Variants in AKR1C8 observed in about 807,000 individuals in gnomAD.
The protein encoded by AKR1C8 is aldo-keto reductase family 1 member C8.
At chr10:5,160,001 A>G in the AKR1C8 span, 1 of 371,120 alleles carries the variant, frequency 2.7e-6, no homozygotes, top group East Asian at 8.2e-5. Context: ...GCACTTCTCC[A>G]GGGCCTGGGG....
the AKR1C8 span, among the ~76,000 whole-genome samples, chr10:5,116,774 C>T: frequency 1.3e-5 from 2 of 152,176 alleles, no homozygotes; most frequent in African/African-American, 4.8e-5. Context: ...ATCAAAGGGG[C>T]TGTAGTGCTG....
the AKR1C8 span, among the ~76,000 whole-genome samples, chr10:5,165,161 C>G: frequency 3.3e-5 from 5 of 152,152 alleles, no homozygotes; most frequent in Non-Finnish European, 5.9e-5. Context: ...TATTTCACCA[C>G]GAGTGAATAC....
At chr10:5,184,353 CA>C in the AKR1C8 span, among the ~76,000 whole-genome samples, 1 of 152,108 alleles carries the variant, frequency 6.6e-6, no homozygotes, top group African/African-American at 2.4e-5. Flanking sequence ...AGTCATAAGA[CA>C]AAAAACTTCA....
chr10:5,148,967 G>T, the AKR1C8 span, among the ~76,000 whole-genome samples: 1 of 151,982 alleles, frequency 6.6e-6, no homozygotes, highest in Non-Finnish European at 1.5e-5. Flanking sequence ...AAGATGCCAA[G>T]GTCAGATTAC....
the AKR1C8 span, among the ~76,000 whole-genome samples, chr10:5,144,620 T>G: frequency 3.0e-4 from 45 of 152,228 alleles, no homozygotes; most frequent in South Asian, 9.3e-3. Context: ...CTAGGTATTT[T>G]ATTCTCTTTG....
chr10:5,157,856 T>C, the AKR1C8 span: 3 of 422,192 alleles, frequency 7.1e-6, no homozygotes, highest in Non-Finnish European at 1.5e-5. Context: ...AAATCTACAG[T>C]GCGCTGCTCC....
At chr10:5,142,655 C>A in the AKR1C8 span, among the ~76,000 whole-genome samples, 3 of 152,062 alleles carry the variant, frequency 2.0e-5, no homozygotes, top group Non-Finnish European at 4.4e-5. Context: ...GTCACTGAAG[C>A]GGTCAGAAGA....
At chr10:5,161,342 G>A in the AKR1C8 span, among the ~76,000 whole-genome samples, 3 of 152,138 alleles carry the variant, frequency 2.0e-5, no homozygotes, top group African/African-American at 7.2e-5. Context: ...CATCAGAAGT[G>A]CTCAGCCAAC....
chr10:5,169,218 A>T, the AKR1C8 span, among the ~76,000 whole-genome samples: 1 of 152,174 alleles, frequency 6.6e-6, no homozygotes, highest in Non-Finnish European at 1.5e-5. Context: ...GAGGCTAGAA[A>T]GGGAGCTGCA....
the AKR1C8 span, among the ~76,000 whole-genome samples, chr10:5,177,159 C>T: frequency 1.1e-4 from 17 of 152,056 alleles, no homozygotes; most frequent in African/African-American, 4.1e-4. Context: ...CCCATCAATA[C>T]CTGATTTATT....
At chr10:5,146,117 A>G in the AKR1C8 span, among the ~76,000 whole-genome samples, 1 of 148,966 alleles carries the variant, frequency 6.7e-6, no homozygotes, top group African/African-American at 2.5e-5. Context: ...CAAACACCGC[A>G]TATTCTCACT....
chr10:5,126,727 C>G, the AKR1C8 span, among the ~76,000 whole-genome samples: 2 of 152,116 alleles, frequency 1.3e-5, no homozygotes, highest in Non-Finnish European at 2.9e-5. Flanking sequence ...TGCTGCCATT[C>G]CAACCCCATA....
chr10:5,166,846 C>G, the AKR1C8 span, among the ~76,000 whole-genome samples: 1 of 151,994 alleles, frequency 6.6e-6, no homozygotes, highest in African/African-American at 2.4e-5. Context: ...TCAGAGTGAA[C>G]AGGCAACCTA....
the AKR1C8 span, among the ~76,000 whole-genome samples, chr10:5,161,104 GATT>G: frequency 1.3e-5 from 2 of 152,100 alleles, no homozygotes; most frequent in Non-Finnish European, 2.9e-5. Flanking sequence ...TGCATGTGTG[GATT>G]ATGTGTACAT....
At chr10:5,130,110 A>G in the AKR1C8 span, among the ~76,000 whole-genome samples, 1 of 151,932 alleles carries the variant, frequency 6.6e-6, no homozygotes, top group Non-Finnish European at 1.5e-5. Context: ...CAGGGATGGT[A>G]TAACATAGGC....
chr10:5,146,690 T>C, the AKR1C8 span, among the ~76,000 whole-genome samples: 23 of 152,296 alleles, frequency 1.5e-4, no homozygotes, highest in East Asian at 3.9e-3. Context: ...GGTTGTCTGT[T>C]TACTCTGCTG....
At chr10:5,166,965 T>G in the AKR1C8 span, among the ~76,000 whole-genome samples, 1 of 148,066 alleles carries the variant, frequency 6.8e-6, no homozygotes, top group South Asian at 2.1e-4. Context: ...CATCAAAAAG[T>G]GGGCAAAGGA....
the AKR1C8 span, among the ~76,000 whole-genome samples, chr10:5,177,256 T>C: frequency 2.0e-5 from 3 of 152,008 alleles, no homozygotes; most frequent in Admixed American, 1.3e-4. Context: ...TTGTCTTTGG[T>C]TCTGTTTATA....
the AKR1C8 span, among the ~76,000 whole-genome samples, chr10:5,131,533 C>T: frequency 6.6e-6 from 1 of 151,998 alleles, no homozygotes; most frequent in African/African-American, 2.4e-5. Flanking sequence ...CACGAATAGA[C>T]ATTTCTCAAA....
Sources: allele counts gnomAD v4.1 joint callset (sites outside exome capture counted in the v4.1 genomes callset), GRCh38; gene constraint gnomAD v4.1.1; transcripts MANE v1.5; gene names NCBI Gene and HGNC (gene_info 2026-07-23, HGNC 2026-07-21).